Variants in AGTPBP1 observed in about 807,000 individuals in gnomAD.
AGTPBP1 encodes ATP/GTP binding carboxypeptidase 1.
Under a neutral mutation model 143.9 loss-of-function variants are expected in AGTPBP1, and 70 were observed. The observed-to-expected ratio is 0.49, with a 90% CI of 0.40 to 0.59. The LOEUF (loss-of-function observed/expected upper bound fraction) is 0.59. Ranked by LOEUF, AGTPBP1 falls within the 20% of genes least tolerant of loss-of-function variation. The pLI is 0.00. For synonymous variants in AGTPBP1, 463 were observed against 500.2 expected, an observed-to-expected ratio of 0.93 and a Z score of 0.99; for missense variants, 1,229 against 1,464.5, an observed-to-expected ratio of 0.84 and a Z score of 2.62.
the AGTPBP1 span, among the ~76,000 whole-genome samples, chr9:85,763,046 C>G: frequency 2.6e-5 from 4 of 151,734 alleles, no homozygotes. Context: ...CAGCTTTCCT[C>G]ATTAGAAGTT....
chr9:85,697,311 A>C (rs1373027261), intron 2 of AGTPBP1, among the ~76,000 whole-genome samples: 3 of 152,162 alleles, frequency 2.0e-5, no homozygotes, highest in African/African-American at 4.8e-5. Context: ...CACTCTTCCT[A>C]CCAAACCTAT....
intron 8 of AGTPBP1, among the ~76,000 whole-genome samples, chr9:85,663,308 A>C (rs1045283810): frequency 5.9e-5 from 9 of 152,162 alleles, no homozygotes; most frequent in Non-Finnish European, 1.0e-4. Context: ...GGCTGAGAAC[A>C]GTGCCTATAT....
At chr9:85,636,497 A>AT (rs1832062029) in intron 13 of AGTPBP1, among the ~76,000 whole-genome samples, 1 of 151,982 alleles carries the variant, frequency 6.6e-6, no homozygotes, top group African/African-American at 2.4e-5. Context: ...TGACTTTGTG[A>AT]TCCCCCCTCT....
chr9:85,681,173 G>A (rs1835147197), intron 4 of AGTPBP1, 95 bp downstream of exon 4: 5 of 1,139,728 alleles, frequency 4.4e-6, no homozygotes, highest in East Asian at 4.8e-5. Flanking sequence ...GTGTGTATGT[G>A]TTTCTGTGTG....
At chr9:85,624,256 T>C (rs1831131893) in intron 14 of AGTPBP1, among the ~76,000 whole-genome samples, 3 of 152,182 alleles carry the variant, frequency 2.0e-5, no homozygotes, top group Admixed American at 1.3e-4. Flanking sequence ...GTATAACATA[T>C]ATATGTGATC....
intron 25 of AGTPBP1, among the ~76,000 whole-genome samples, chr9:85,563,762 C>T (rs1826896142): frequency 6.6e-6 from 1 of 152,204 alleles, no homozygotes; most frequent in African/African-American, 2.4e-5. Context: ...ACCACCCTCC[C>T]TGACAGGCAA....
chr9:85,605,716 T>C (rs1337514657), intron 17 of AGTPBP1, among the ~76,000 whole-genome samples: 2 of 151,964 alleles, frequency 1.3e-5, no homozygotes, highest in East Asian at 1.9e-4. Context: ...AAGATATAAA[T>C]AGAAACAACA....
intron 23 of AGTPBP1, among the ~76,000 whole-genome samples, chr9:85,582,094 T>G (rs888738769): frequency 3.3e-5 from 5 of 152,224 alleles, no homozygotes; most frequent in African/African-American, 4.8e-5. Context: ...TAGAGAAAAG[T>G]TGCAAAAACA....
At chr9:85,565,079 CAT>C (rs1174583611) in intron 25 of AGTPBP1, among the ~76,000 whole-genome samples, 5 of 152,170 alleles carry the variant, frequency 3.3e-5, no homozygotes, top group Admixed American at 1.3e-4. Context: ...AACTGTGAGA[CAT>C]AAATTTCTGT....
the AGTPBP1 span, among the ~76,000 whole-genome samples, chr9:85,750,564 T>G: frequency 3.3e-5 from 5 of 152,192 alleles, no homozygotes; most frequent in South Asian, 4.1e-4. Context: ...TGAATAAGAA[T>G]GCTCAGTCTC....
chr9:85,761,545 TG>T, the AGTPBP1 span, among the ~76,000 whole-genome samples: 1 of 152,192 alleles, frequency 6.6e-6, no homozygotes, highest in South Asian at 2.1e-4. Context: ...ATTTAACAAA[TG>T]GTGCTGGGAA....
chr9:85,599,092 T>C (rs1416245746), intron 17 of AGTPBP1, among the ~76,000 whole-genome samples: 1 of 148,922 alleles, frequency 6.7e-6, no homozygotes, highest in African/African-American at 2.5e-5. Flanking sequence ...CGTCCATTCG[T>C]TTTCAACCTT....
the AGTPBP1 span, among the ~76,000 whole-genome samples, chr9:85,801,091 G>A: frequency 6.6e-6 from 1 of 152,010 alleles, no homozygotes; most frequent in Non-Finnish European, 1.5e-5. Flanking sequence ...GTGGGTGGAT[G>A]ACTTGAGGTC....
At chr9:85,551,721 G>A (rs559284820) in intron 25 of AGTPBP1, among the ~76,000 whole-genome samples, 13 of 152,208 alleles carry the variant, frequency 8.5e-5, no homozygotes, top group African/African-American at 1.2e-4. Flanking sequence ...TAATTTCAAC[G>A]TATGTTTTGA....
intron 17 of AGTPBP1, among the ~76,000 whole-genome samples, chr9:85,614,745 A>G (rs1323028514): frequency 8.5e-5 from 13 of 152,132 alleles, no homozygotes. Context: ...AGAAACCCCC[A>G]AACATAATTA....
chr9:85,605,986 A>C (rs1829966581), intron 17 of AGTPBP1, among the ~76,000 whole-genome samples: 1 of 152,076 alleles, frequency 6.6e-6, no homozygotes, highest in South Asian at 2.1e-4. Flanking sequence ...AGAGGGAAAG[A>C]AGAGAGGACC....
At chr9:85,638,345 A>G (rs534701734) in intron 13 of AGTPBP1, among the ~76,000 whole-genome samples, 1 of 152,234 alleles carries the variant, frequency 6.6e-6, no homozygotes, top group South Asian at 2.1e-4. Context: ...TACCTCAAAA[A>G]AGTTGATTAA....
In AGTPBP1 at chr9:85,592,592, A is replaced by C; in HGVS notation, c.2536T>G (p.Tyr846Asp). ...PHKDDVCYFA[Y>D]HYPYTYSTLQ... ...GTTGAATACGTATATGGATAGTGAT[A>C]AGCAAAGTAGCAAACATCATCTTTA... The change falls in exon 19 of 26, where the codon TAT (tyrosine) becomes GAT (aspartate). Residue 846 changes from tyrosine (Y) to aspartate (D), a missense_variant. Physicochemically the swap from Tyr to Asp is radical, Grantham distance 160. Around this residue, in one of 2 missense-constraint regions of AGTPBP1, gnomAD observed 486 missense variants for 652.3 expected, o/e 0.75. Coordinates refer to ENST00000357081, the MANE Select transcript of AGTPBP1 (RefSeq NM_001330701.2). The C allele has an allele frequency of 6.2e-7, 1 of 1,611,276 alleles. No homozygotes were observed. The highest frequency in any genetic ancestry group is 8.5e-7 in the Non-Finnish European group (1 of 1,178,770).
chr9:85,597,763 T>C (rs541220771), intron 17 of AGTPBP1, among the ~76,000 whole-genome samples: 13 of 152,092 alleles, frequency 8.5e-5, no homozygotes, highest in African/African-American at 3.1e-4. Flanking sequence ...TCAGATGGCT[T>C]TTCTCCTTTA....
Sources: allele counts gnomAD v4.1 joint callset (sites outside exome capture counted in the v4.1 genomes callset), GRCh38; gene constraint gnomAD v4.1.1; regional missense constraint gnomAD v4.1.1; transcripts MANE v1.5; gene names NCBI Gene and HGNC (gene_info 2026-07-23, HGNC 2026-07-21).